SNAP29: variants seen among roughly 807,000 people sequenced by gnomAD.
The protein encoded by SNAP29 is synaptosomal-associated protein 29.
In SNAP29, 13 loss-of-function variants were observed where a neutral mutation model predicts 27.9. That is an observed-to-expected ratio of 0.47 (90% confidence interval 0.30 to 0.74). SNAP29 has a LOEUF of 0.74. Ranked by LOEUF, SNAP29 falls within the 30% of genes least tolerant of loss-of-function variation. The probability of loss-of-function intolerance (pLI) is 0.06; values close to 1 mark genes in which losing one functional copy is unlikely to be tolerated. For synonymous variants in SNAP29, 119 were observed against 127.1 expected, an observed-to-expected ratio of 0.94 and a Z score of 0.43; for missense variants, 368 against 336.5, an observed-to-expected ratio of 1.09 and a Z score of -0.73.
At chr22:20,885,486 C>T (rs536441561) in intron 4 of SNAP29, among the ~76,000 whole-genome samples, 15 of 152,152 alleles carry the variant, frequency 9.9e-5, no homozygotes, top group African/African-American at 1.4e-4. Flanking sequence ...TGTGTCTGCC[C>T]AGATCTAACC....
Position 20,889,571 on chromosome 22 carries a change from A to G in SNAP29, c.*1735A>G, listed in dbSNP as rs1176042127. On this transcript the variant is annotated 3_prime_UTR_variant, in exon 5 of 5. Transcript: ENST00000215730. ...AAATTTTAAACATAACACTCAACCC[A>G]AACAAAACTACTTCGTGAGGCTTTC... 6.6e-6 allele frequency: 1 copy of G among 152,232 alleles called. No homozygotes were observed. Among genetic ancestry groups the G allele is most frequent in the Non-Finnish European group, 1.5e-5 (1 of 68,040 alleles). 9.4% of individuals were successfully genotyped at this position (152,232 alleles called of 1,614,324 possible).
intron 2 of SNAP29, among the ~76,000 whole-genome samples, chr22:20,877,710 C>T (rs1316814031): frequency 3.3e-5 from 5 of 151,938 alleles, no homozygotes; most frequent in African/African-American, 1.2e-4. Context: ...AGCTAGACTC[C>T]GTCTCAAAAA....
intron 2 of SNAP29, among the ~76,000 whole-genome samples, chr22:20,880,756 G>C (rs373051560): frequency 1.3e-5 from 2 of 151,744 alleles, no homozygotes; most frequent in East Asian, 3.9e-4. Flanking sequence ...TCACACTCGT[G>C]GGCTCAGGCA....
intron 1 of SNAP29, among the ~76,000 whole-genome samples, chr22:20,863,273 C>T (rs1460713894): frequency 6.6e-6 from 1 of 151,240 alleles, no homozygotes; most frequent in African/African-American, 2.4e-5. Flanking sequence ...GTGTGGCTTC[C>T]AGCAAATTCC....
In SNAP29 at chr22:20,859,558, T is replaced by C. The variant is rs963809248; in HGVS notation, c.237+211T>C. 1.3e-5 allele frequency: 8 copies of C among 592,640 alleles called. No homozygotes were observed. In the South Asian group the frequency reaches 1.5e-4, roughly 11 times the overall value. The allele number at this position is 592,640 out of a possible 1,614,324, so 36.7% of individuals were successfully genotyped here. A position where few individuals can be genotyped will look rare whatever the true frequency, so the allele number is the denominator to read the frequency against. On this transcript the variant is annotated intron_variant, in intron 1 of 4. Transcript: ENST00000215730. ...AAGAGGGCAGTTTACCCCAGAAATC[T>C]TCCTTAGCTATTAGTCTGCTTCGTT...
chr22:20,887,554 C>T (rs1022438406), intron 4 of SNAP29, 125 bp from the exon 5 acceptor site: 49 of 948,140 alleles, frequency 5.2e-5, no homozygotes, highest in Non-Finnish European at 8.1e-5. Flanking sequence ...CTCATCTCTG[C>T]AGTGGGTGCA....
intron 2 of SNAP29, among the ~76,000 whole-genome samples, chr22:20,878,494 CGT>C: frequency 6.6e-6 from 1 of 152,136 alleles, no homozygotes; most frequent in South Asian, 2.1e-4. Context: ...AGGAGAATGG[CGT>C]GAACCCAGGA....
Position 20,859,247 on chromosome 22 carries a change from G to C in SNAP29, c.137G>C (p.Arg46Pro), listed in dbSNP as rs755362062. The C allele has an allele frequency of 6.2e-7, 1 of 1,604,598 alleles. No homozygotes were observed. The highest frequency in any genetic ancestry group is 1.3e-5 in the African/African-American group (1 of 74,872). ...DAPADRQQYL[R>P]QEVLRRAEAT... ...CCCGCGGACAGGCAGCAGTACTTGC[G>C]GCAGGAGGTCCTCCGCAGGGCTGAG... The change falls in exon 1 of 5, where the codon CGG becomes CCG. Residue 46 changes from arginine to proline, a missense_variant. Physicochemically the swap from Arg to Pro is moderately radical, Grantham distance 103 (BLOSUM62 -2). Coordinates refer to ENST00000215730, the MANE Select transcript of SNAP29 (RefSeq NM_004782.4).
Position 20,859,047 on chromosome 22 carries a change from C to T in SNAP29, c.-64C>T, listed in dbSNP as rs929409662. Reference sequence around the variant, plus strand: ...GCGGGGTCGGCGGGCGGGGCGAGGCCCTGGACGGCGGCGGCAGTGGGGCTC... The same window carrying T: ...GCGGGGTCGGCGGGCGGGGCGAGGCTCTGGACGGCGGCGGCAGTGGGGCTC... On this transcript the variant is annotated 5_prime_UTR_variant, in exon 1 of 5. Transcript: ENST00000215730. The T allele has an allele frequency of 6.2e-6, 9 of 1,453,022 alleles. No homozygotes were observed. The highest frequency in any genetic ancestry group is 1.9e-5 in the Admixed American group (1 of 52,328). The allele number at this position is 1,453,022 out of a possible 1,614,324, so 90.0% of individuals were successfully genotyped here. A position where few individuals can be genotyped will look rare whatever the true frequency, so the allele number is the denominator to read the frequency against.
Position 20,865,142 on chromosome 22 carries a change from C to T in SNAP29, c.238-5195C>T, listed in dbSNP as rs184918082. Among the ~76,000 whole-genome samples the T allele has an allele frequency of 1.7e-3, 256 of 152,212 alleles. 2 individuals carry two copies. The highest frequency in any genetic ancestry group is 5.9e-3 in the African/African-American group (247 of 41,518). ...GGCTGAGGCAGGTGGATCCCTTGAA[C>T]CCAGGAGTTCAAGATCAGCCTGGGG... On this transcript the variant is annotated intron_variant, in intron 1 of 4. Coordinates refer to ENST00000215730, the MANE Select transcript of SNAP29 (RefSeq NM_004782.4).
At chr22:20,872,236 A>T (rs1236374767) in intron 2 of SNAP29, among the ~76,000 whole-genome samples, 1 of 150,258 alleles carries the variant, frequency 6.7e-6, no homozygotes, top group Non-Finnish European at 1.5e-5. Context: ...TTTATTTTTT[A>T]TTTTATTTAT....
At position 20,873,319 on chromosome 22, in the gene SNAP29, G is replaced by GT. The variant is rs1032830317; in HGVS notation, c.434+2794dup. On this transcript the variant is annotated intron_variant, in intron 2 of 4. Coordinates refer to ENST00000215730, the MANE Select transcript of SNAP29 (RefSeq NM_004782.4). ...AGCCACCACACCTAACTGCAGAGCC[G>GT]TTTTTTTTAATGCATCACTAAGGTA... Among the ~76,000 whole-genome samples, 17 of 151,782 alleles carry GT rather than the reference G, an allele frequency of 1.1e-4. No homozygotes were observed. The East Asian group carries it at 2.5e-3, about 22-fold the overall frequency.
At chr22:20,878,448 G>A (rs1365998699) in intron 2 of SNAP29, among the ~76,000 whole-genome samples, 1 of 152,030 alleles carries the variant, frequency 6.6e-6, no homozygotes, top group Non-Finnish European at 1.5e-5. Flanking sequence ...CGTGGTGGCG[G>A]GCGCCTGTAG....
rs559479901 is a variant in SNAP29, at chr22:20,864,188, C to T, written c.237+4841C>T. 6.6e-5 allele frequency among the ~76,000 whole-genome samples: 10 copies of T among 152,246 alleles called. No homozygotes were observed. In the South Asian group the frequency reaches 2.1e-3, roughly 32 times the overall value. On this transcript the variant is annotated intron_variant, in intron 1 of 4. Transcript: ENST00000215730. ...TGAGGTTTTCTGGGGCCCGAGATCTCGGTTCAGGGGAGTCCAGCAACAAAC... is the reference window on the plus strand; with the variant it reads ...TGAGGTTTTCTGGGGCCCGAGATCTTGGTTCAGGGGAGTCCAGCAACAAAC...
chr22:20,880,030 ACAGT>A (rs1928854843), intron 2 of SNAP29, among the ~76,000 whole-genome samples: 1 of 151,826 alleles, frequency 6.6e-6, no homozygotes, highest in African/African-American at 2.4e-5. Context: ...AACAACAAAA[ACAGT>A]AATAGTTGAG....
chr22:20,877,198 G>A (rs889467650), intron 2 of SNAP29, among the ~76,000 whole-genome samples: 2 of 151,836 alleles, frequency 1.3e-5, no homozygotes, highest in African/African-American at 2.4e-5. Context: ...TGAGGTGGGC[G>A]GATCACAAAG....
chr22:20,879,926 G>A (rs548312833), intron 2 of SNAP29, among the ~76,000 whole-genome samples: 2 of 151,752 alleles, frequency 1.3e-5, no homozygotes, highest in Admixed American at 6.6e-5. Context: ...GGAGGCTGAG[G>A]TGGGAGGATC....
rs752875049 is a variant in SNAP29 at position 20,881,042 on chromosome 22, T to A, written c.435-7T>A. 1.9e-6 allele frequency: 3 copies of A among 1,592,456 alleles called. No homozygotes were observed. Among genetic ancestry groups the A allele is most frequent in the Non-Finnish European group, 2.6e-6 (3 of 1,160,348 alleles). The stretch of plus-strand genomic sequence containing the variant: ...ACGTTTTCTTTTTTGTGAACTTTTA[T>A]CCAAAGATTGAAAGAAGCTATAAGT... On this transcript the variant is annotated splice_region_variant and splice_polypyrimidine_tract_variant and intron_variant, in intron 2 of 4. Coordinates refer to ENST00000215730, the MANE Select transcript of SNAP29 (RefSeq NM_004782.4).
intron 1 of SNAP29, among the ~76,000 whole-genome samples, chr22:20,864,665 T>A (rs1255774726): frequency 6.6e-6 from 1 of 152,180 alleles, no homozygotes; most frequent in Non-Finnish European, 1.5e-5. Flanking sequence ...TCCTCAAATT[T>A]GTAAATGTCA....
Sources: allele counts gnomAD v4.1 joint callset (sites outside exome capture counted in the v4.1 genomes callset), GRCh38; gene constraint gnomAD v4.1.1; transcripts MANE v1.5; gene names NCBI Gene and HGNC (gene_info 2026-07-23, HGNC 2026-07-21).